CACNA2D3: variants seen among roughly 807,000 people sequenced by gnomAD.
The protein encoded by CACNA2D3 is calcium voltage-gated channel auxiliary subunit alpha2delta 3.
CACNA2D3 carries 60 observed loss-of-function variants against 160.6 expected under a neutral mutation model. The observed-to-expected ratio is 0.37, with a 90% CI of 0.30 to 0.46. The LOEUF (loss-of-function observed/expected upper bound fraction) is 0.46. Ranked by LOEUF, CACNA2D3 falls within the 20% of genes least tolerant of loss-of-function variation. CACNA2D3 has a pLI of 1.00. For synonymous variants in CACNA2D3, 558 were observed against 492.9 expected (o/e 1.13, Z -1.75); for missense variants, 1,205 against 1,365.0 (o/e 0.88, Z 1.85).
chr3:54,971,158 T>C (rs1297010267), intron 29 of CACNA2D3, among the ~76,000 whole-genome samples: 2 of 151,446 alleles, frequency 1.3e-5, no homozygotes, highest in Admixed American at 1.3e-4. Context: ...GAAGCCCAAG[T>C]TTCTGTGATC....
At chr3:54,148,861 C>T (rs572392570) in intron 2 of CACNA2D3, among the ~76,000 whole-genome samples, 19 of 151,514 alleles carry the variant, frequency 1.3e-4, no homozygotes, top group South Asian at 4.2e-4. Context: ...TCTGTAATCC[C>T]AGCTACTCAG....
chr3:54,717,197 A>G (rs1201730263), intron 11 of CACNA2D3, among the ~76,000 whole-genome samples: 1 of 152,082 alleles, frequency 6.6e-6, no homozygotes, highest in African/African-American at 2.4e-5. Flanking sequence ...GTACTCTGGT[A>G]TGGACATATC....
chr3:54,372,979 T>C (rs1698951690), intron 3 of CACNA2D3, among the ~76,000 whole-genome samples: 1 of 152,246 alleles, frequency 6.6e-6, no homozygotes, highest in African/African-American at 2.4e-5. Flanking sequence ...GGCCCTTGTT[T>C]GACCCAGCCC....
intron 11 of CACNA2D3, among the ~76,000 whole-genome samples, chr3:54,705,817 T>A (rs921540767): frequency 6.6e-6 from 1 of 152,324 alleles, no homozygotes; most frequent in African/African-American, 2.4e-5. Context: ...GCTATGCGGA[T>A]ATGTGTCTGA....
chr3:54,807,612 G>A (rs1214830032), intron 13 of CACNA2D3, among the ~76,000 whole-genome samples: 1 of 151,622 alleles, frequency 6.6e-6, no homozygotes, highest in Non-Finnish European at 1.5e-5. Flanking sequence ...TGGTGGGACT[G>A]TAAACTAGTT....
At chr3:54,131,550 A>T (rs1216532777) in intron 2 of CACNA2D3, among the ~76,000 whole-genome samples, 1 of 152,172 alleles carries the variant, frequency 6.6e-6, no homozygotes, top group African/African-American at 2.4e-5. Context: ...GTTTAGGACG[A>T]TATGTGGCAC....
At chr3:54,758,529 G>A (rs530080171) in intron 12 of CACNA2D3, among the ~76,000 whole-genome samples, 1 of 152,258 alleles carries the variant, frequency 6.6e-6, no homozygotes, top group Non-Finnish European at 1.5e-5. Flanking sequence ...CAGGGAGGTA[G>A]GAAGCTGTTT....
chr3:54,748,656 C>T (rs937941024), intron 11 of CACNA2D3, among the ~76,000 whole-genome samples: 2 of 151,986 alleles, frequency 1.3e-5, no homozygotes, highest in African/African-American at 4.8e-5. Context: ...GAAAGCCTGG[C>T]TTTCCGGGGA....
chr3:54,533,332 C>CTTTTTTTTTTTTTT (rs60076440), intron 5 of CACNA2D3, among the ~76,000 whole-genome samples: 2 of 97,306 alleles, frequency 2.1e-5, no homozygotes, highest in African/African-American at 8.1e-5. Flanking sequence ...CTTTTCTTTC[C>CTTTTTTTTTTTTTT]TTTTTTTTTT....
chr3:54,364,846 A>T (rs1227631065), intron 3 of CACNA2D3, among the ~76,000 whole-genome samples: 1 of 152,236 alleles, frequency 6.6e-6, no homozygotes, highest in Non-Finnish European at 1.5e-5. Context: ...CCATCAAGTA[A>T]ATAATCATAT....
chr3:54,964,818 A>AT (rs111676613), intron 27 of CACNA2D3, among the ~76,000 whole-genome samples: 2,598 of 144,284 alleles, frequency 0.018, 60 homozygotes, highest in African/African-American at 0.056. Context: ...GGTTATTCTT[A>AT]TTTTTTTTTT....
chr3:54,809,792 C>T (rs1315900064), intron 13 of CACNA2D3, among the ~76,000 whole-genome samples: 2 of 151,596 alleles, frequency 1.3e-5, no homozygotes, highest in Admixed American at 6.6e-5. Flanking sequence ...TCCCTCTTTC[C>T]CTCCTTCCTT....
chr3:54,437,190 C>A (rs964371405), intron 4 of CACNA2D3, among the ~76,000 whole-genome samples: 2 of 152,192 alleles, frequency 1.3e-5, no homozygotes, highest in Non-Finnish European at 2.9e-5. Context: ...CTCTACATGG[C>A]ATTCTGCAAT....
At chr3:54,685,534 T>C (rs1338634457) in intron 11 of CACNA2D3, among the ~76,000 whole-genome samples, 1 of 152,244 alleles carries the variant, frequency 6.6e-6, no homozygotes, top group Non-Finnish European at 1.5e-5. Context: ...CTAGAAGCTG[T>C]ATATTACAGT....
intron 29 of CACNA2D3, 122 bp from the exon 30 acceptor site, chr3:54,984,486 C>G: frequency 1.5e-6 from 1 of 671,950 alleles, no homozygotes; most frequent in Non-Finnish European, 2.6e-6. Context: ...TGCCTGAAAA[C>G]AATTGCTTTC....
intron 13 of CACNA2D3, among the ~76,000 whole-genome samples, chr3:54,811,988 A>G (rs540462903): frequency 1.4e-4 from 21 of 152,320 alleles, no homozygotes; most frequent in African/African-American, 4.3e-4. Context: ...AGCACTTCAA[A>G]TGGTGGATAG....
intron 31 of CACNA2D3, among the ~76,000 whole-genome samples, chr3:55,003,577 C>T (rs1703028773): frequency 6.6e-6 from 1 of 152,022 alleles, no homozygotes; most frequent in Admixed American, 6.6e-5. Flanking sequence ...AAATGCCCGT[C>T]TTCGTAGGGG....
chr3:54,235,681 C>G (rs1448034720), intron 2 of CACNA2D3, among the ~76,000 whole-genome samples: 1 of 152,148 alleles, frequency 6.6e-6, no homozygotes, highest in African/African-American at 2.4e-5. Flanking sequence ...GTGGCCAAAG[C>G]TGGAACAATT....
intron 5 of CACNA2D3, among the ~76,000 whole-genome samples, chr3:54,556,307 G>T (rs1392868589): frequency 1.3e-5 from 2 of 152,012 alleles, no homozygotes; most frequent in Admixed American, 1.3e-4. Context: ...GAGAGAGAGA[G>T]ATTTGACACA....
Sources: gnomAD v4.1 joint callset for allele counts (sites outside exome capture counted in the v4.1 genomes callset) on GRCh38, gnomAD v4.1.1 for gene constraint, MANE v1.5 for transcripts, NCBI Gene and HGNC (gene_info 2026-07-23, HGNC 2026-07-21) for gene names.